The following ROBO2 variants were observed in gnomAD, a reference collection of about 807,000 sequenced individuals.
ROBO2 encodes roundabout homolog 2.
Under a neutral mutation model 160.8 loss-of-function variants are expected in ROBO2, and 53 were observed. The ratio of observed to expected loss-of-function variants is 0.33; its 90% CI spans 0.26 to 0.41. The LOEUF is 0.41. Among genes scored for constraint, ROBO2 ranks in the 10% least tolerant of loss-of-function variants. ROBO2 has a pLI of 1.00. For synonymous variants in ROBO2, 664 were observed against 611.7 expected (o/e 1.09, Z -1.26); for missense variants, 1,577 against 1,722.4 (o/e 0.92, Z 1.49).
intron 2 of ROBO2, among the ~76,000 whole-genome samples, chr3:76,449,874 A>G (rs370271517): frequency 6.6e-6 from 1 of 152,160 alleles, no homozygotes; most frequent in Non-Finnish European, 1.5e-5. Context: ...ACAACATAGT[A>G]AATATTCCAC....
At position 77,462,920 on chromosome 3, in the gene ROBO2, C is replaced by T. The variant is rs182492551; in HGVS notation, c.389-14494C>T. On this transcript the variant is annotated intron_variant, in intron 2 of 25. Transcript: ENST00000461745. ...ATATTCCAAACCCAGCTCTGAAACT[C>T]GCTCCTCCAAAAAGCCTTCCTTATG... Among the ~76,000 whole-genome samples the T allele has an allele frequency of 5.9e-5, 9 of 152,280 alleles. No individual in the cohort carries two copies. In the East Asian group the frequency reaches 1.2e-3, roughly 20 times the overall value.
At chr3:76,706,265 G>A (rs1012195765) in intron 2 of ROBO2, among the ~76,000 whole-genome samples, 2 of 151,938 alleles carry the variant, frequency 1.3e-5, no homozygotes, top group Non-Finnish European at 2.9e-5. Flanking sequence ...TTAAAACATT[G>A]TTCATTTTTT....
At chr3:76,913,294 GATCGTC>G (rs1362798301) in intron 2 of ROBO2, among the ~76,000 whole-genome samples, 1 of 152,132 alleles carries the variant, frequency 6.6e-6, no homozygotes, top group African/African-American at 2.4e-5. Flanking sequence ...CTGTGTTGAA[GATCGTC>G]ATTACGGAGG....
intron 2 of ROBO2, among the ~76,000 whole-genome samples, chr3:76,508,711 G>A (rs1355390355): frequency 1.3e-5 from 2 of 152,134 alleles, no homozygotes; most frequent in East Asian, 1.9e-4. Context: ...CAAAAAACTT[G>A]AGGCTTATCA....
chr3:76,131,629 G>C (rs1559577423), intron 2 of ROBO2, among the ~76,000 whole-genome samples: 1 of 152,084 alleles, frequency 6.6e-6, no homozygotes. Flanking sequence ...TGAGAGTTCA[G>C]TCTGAAAGAG....
intron 2 of ROBO2, among the ~76,000 whole-genome samples, chr3:76,482,367 A>G (rs1423632132): frequency 1.3e-5 from 2 of 152,162 alleles, no homozygotes; most frequent in African/African-American, 2.4e-5. Context: ...AACAGCCACC[A>G]TGACGATGTG....
intron 1 of ROBO2, among the ~76,000 whole-genome samples, chr3:77,043,566 TA>T (rs2064311625): frequency 2.0e-5 from 3 of 152,224 alleles, no homozygotes; most frequent in Non-Finnish European, 4.4e-5. Flanking sequence ...ATTTGGGATG[TA>T]AATAATGGTT....
intron 2 of ROBO2, among the ~76,000 whole-genome samples, chr3:76,785,097 C>A (rs2062887444): frequency 6.6e-6 from 1 of 151,074 alleles, no homozygotes; most frequent in Non-Finnish European, 1.5e-5. Context: ...TGATGTCATT[C>A]CCACATATCT....
intron 2 of ROBO2, among the ~76,000 whole-genome samples, chr3:76,580,664 G>T (rs1341085687): frequency 6.6e-6 from 1 of 151,826 alleles, no homozygotes; most frequent in Non-Finnish European, 1.5e-5. Context: ...CTGAAAAATA[G>T]AGGCCCTTTA....
intron 1 of ROBO2, among the ~76,000 whole-genome samples, chr3:77,047,995 C>T (rs1380441687): frequency 2.0e-5 from 3 of 151,802 alleles, no homozygotes; most frequent in Non-Finnish European, 4.4e-5. Context: ...GGCAGTGAGC[C>T]GAGATCGCGC....
rs538625873 is a variant in ROBO2 at position 77,325,917 on chromosome 3, T to C, written c.389-151497T>C. ...GCAAACAATCTGGTTCCAAGATCCG[T>C]GCTTTCACCTTGAGTTACATGGTTT... On this transcript the variant is annotated intron_variant, in intron 2 of 25. Transcript: ENST00000461745. Among the ~76,000 whole-genome samples, 16 of 152,336 alleles carry C rather than the reference T, an allele frequency of 1.1e-4. No individual in the cohort carries two copies. In the South Asian group the frequency reaches 2.9e-3, roughly 28 times the overall value.
At chr3:76,793,317 A>C (rs1391471230) in intron 2 of ROBO2, among the ~76,000 whole-genome samples, 4 of 151,868 alleles carry the variant, frequency 2.6e-5, no homozygotes, top group Non-Finnish European at 5.9e-5. Flanking sequence ...CTGATCATTT[A>C]TAAGTGGGAA....
At chr3:76,932,905 G>T (rs2077444001) in intron 2 of ROBO2, among the ~76,000 whole-genome samples, 1 of 151,904 alleles carries the variant, frequency 6.6e-6, no homozygotes, top group South Asian at 2.1e-4. Flanking sequence ...CCCCGCCCCG[G>T]CCCCGAGAAG....
At chr3:76,592,881 A>T (rs575826812) in intron 2 of ROBO2, among the ~76,000 whole-genome samples, 1 of 152,026 alleles carries the variant, frequency 6.6e-6, no homozygotes, top group Admixed American at 6.6e-5. Context: ...CAGCCAAGAC[A>T]AAAAAAGATG....
rs1476319116 is a variant in ROBO2, at chr3:77,294,655, C to G, written c.389-182759C>G. 3.7e-5 allele frequency among the ~76,000 whole-genome samples: 4 copies of G among 108,962 alleles called. No homozygotes were observed. The East Asian group carries it at 1.1e-3, about 31-fold the overall frequency. The allele number at this position is 108,962 out of a possible 152,430, so 71.5% of individuals were successfully genotyped here. On this transcript the variant is annotated intron_variant, in intron 2 of 25. Transcript: ENST00000461745. ...ACGGGTAAGCTGAGGCTAGATCACC[C>G]CAGACATAAAGTAAAATTGATGGTT... is the stretch of plus-strand genomic sequence containing the variant.
chr3:77,642,795 T>A (rs950794151), intron 24 of ROBO2: 11 of 456,516 alleles, frequency 2.4e-5, no homozygotes, highest in African/African-American at 1.4e-4. Context: ...AGAGACAACA[T>A]GCATCCAGCT....
At chr3:76,694,088 G>T (rs2092873855) in intron 2 of ROBO2, among the ~76,000 whole-genome samples, 1 of 152,134 alleles carries the variant, frequency 6.6e-6, no homozygotes, top group South Asian at 2.1e-4. Flanking sequence ...CAAAATATTT[G>T]TCTGGAGAGA....
intron 2 of ROBO2, among the ~76,000 whole-genome samples, chr3:77,442,169 G>A (rs774521016): frequency 2.0e-5 from 3 of 152,064 alleles, no homozygotes; most frequent in Non-Finnish European, 4.4e-5. Context: ...AAAATTAGCT[G>A]GGCGTCATGG....
At chr3:76,268,901 A>G (rs766033994) in intron 2 of ROBO2, among the ~76,000 whole-genome samples, 2 of 152,110 alleles carry the variant, frequency 1.3e-5, no homozygotes, top group African/African-American at 2.4e-5. Context: ...ACACACCTAT[A>G]CTTAGACTCT....
Sources: gnomAD v4.1 joint callset for allele counts (sites outside exome capture counted in the v4.1 genomes callset) on GRCh38, gnomAD v4.1.1 for gene constraint, MANE v1.5 for transcripts, NCBI Gene and HGNC (gene_info 2026-07-23, HGNC 2026-07-21) for gene names.